PIK3R2: variants seen among roughly 807,000 people sequenced by gnomAD.
PIK3R2 encodes phosphatidylinositol 3-kinase regulatory subunit beta.
A neutral mutation model predicts 78.5 loss-of-function variants in PIK3R2; 40 were observed. The observed-to-expected ratio is 0.51, with a 90% CI of 0.40 to 0.66. PIK3R2 has a LOEUF of 0.66. Among genes scored for constraint, PIK3R2 ranks in the 30% least tolerant of loss-of-function variants. The pLI is 0.00. For missense variants in PIK3R2, 880 were observed against 1,026.6 expected (o/e 0.86, Z 1.95); for synonymous variants, 473 against 457.7 (o/e 1.03, Z -0.43).
At chr19:18,157,388 A>G (rs904176103) in intron 2 of PIK3R2, among the ~76,000 whole-genome samples, 6 of 152,122 alleles carry the variant, frequency 3.9e-5, no homozygotes, top group African/African-American at 7.2e-5. Flanking sequence ...GCGGCTGCCC[A>G]GCCCCACCCT....
At position 18,160,493 on chromosome 19, in the gene PIK3R2, C is replaced by A. The variant is rs755095052; in HGVS notation, c.345C>A (p.Pro115=). ...CAGGCCTCACACTCCCCGACTTGCC[C>A]GAGCAGTTCTCCCCACCTGATGTGG... is the stretch of plus-strand genomic sequence containing the variant. ...PEPGLTLPDL[P]EQFSPPDVAP... The change falls in exon 3 of 16, where the codon CCC becomes CCA. Residue 115 remains proline, a synonymous_variant. Transcript: ENST00000222254. 5 of 1,613,632 alleles carry A rather than the reference C, an allele frequency of 3.1e-6. No homozygotes were observed. The highest frequency in any genetic ancestry group is 1.3e-5 in the African/African-American group (1 of 74,920).
At position 18,163,121 on chromosome 19, in the gene PIK3R2, C is replaced by A. The variant is rs1373502455; in HGVS notation, c.1264C>A (p.Leu422Ile). ...CAATGCCAAGCTGGACACACGGCTC[C>A]TCTACCCTGTGTCCAAATACCAGCA... ...QYNAKLDTRL[L>I]YPVSKYQQDQ... The change falls in exon 10 of 16, where the codon CTC (leucine) becomes ATC (isoleucine). Residue 422 changes from leucine to isoleucine, a missense_variant. This residue lies in a region of PIK3R2 where 156 missense variants were observed against 241.0 expected (regional missense o/e 0.65). Coordinates refer to ENST00000222254, the MANE Select transcript of PIK3R2 (RefSeq NM_005027.4). 6.2e-7 allele frequency: 1 copy of A among 1,613,896 alleles called. No homozygotes were observed. The highest frequency in any genetic ancestry group is 8.5e-7 in the Non-Finnish European group (1 of 1,180,002).
chr19:18,153,177 C>A lies in PIK3R2; in HGVS notation c.-541C>A, dbSNP rs560388385. The A allele has an allele frequency of 2.0e-5, 3 of 153,482 alleles. No homozygotes were observed. Among genetic ancestry groups the A allele is most frequent in the East Asian group, 3.8e-4 (2 of 5,200 alleles). The allele number at this position is 153,482 out of a possible 1,614,324, so 9.5% of individuals were successfully genotyped here. A position where few individuals can be genotyped will look rare whatever the true frequency, so the allele number is the denominator to read the frequency against. ...GGGGGCGGGCCAGGCCGCTCGGAAC[C>A]GTGGCGGCGGCGGAGGCGGGGATCC... On this transcript the variant is annotated 5_prime_UTR_variant, in exon 1 of 16. Coordinates refer to ENST00000222254, the MANE Select transcript of PIK3R2 (RefSeq NM_005027.4).
chr19:18,157,859 C>T (rs2043695411), intron 2 of PIK3R2, among the ~76,000 whole-genome samples: 1 of 151,996 alleles, frequency 6.6e-6, no homozygotes, highest in Admixed American at 6.5e-5. Context: ...GCCAGGGCGT[C>T]CCCGCCGAGG....
Position 18,163,358 on chromosome 19 carries a change from G to C in PIK3R2, c.1386G>C (p.Gln462His). 1.2e-6 allele frequency: 2 copies of C among 1,614,062 alleles called. No individual in the cohort carries two copies. Among genetic ancestry groups the C allele is most frequent in the Non-Finnish European group, 1.7e-6 (2 of 1,180,014 alleles). Residue 462 changes from glutamine to histidine, a missense_variant, in exon 11 of 16, where the codon CAG becomes CAC. Gln to His is a conservative substitution (Grantham distance 24). Around this residue, in one of 3 missense-constraint regions of PIK3R2, gnomAD observed 156 missense variants for 241.0 expected, o/e 0.65. Transcript: ENST00000222254. The part of the protein sequence containing the change: ...QYQDKSREYD[Q>H]LYEEYTRTSQ... ...AGGACAAGAGCCGCGAGTATGACCA[G>C]CTTTATGAAGAGTACACACGGACCT...
chr19:18,166,530 G>T (rs1311449459), intron 12 of PIK3R2, among the ~76,000 whole-genome samples: 1 of 152,040 alleles, frequency 6.6e-6, no homozygotes, highest in African/African-American at 2.4e-5. Flanking sequence ...GGCCAACATG[G>T]TGAAACCCTG....
Position 18,168,037 on chromosome 19 carries a change from G to T in PIK3R2, c.1737-438G>T, listed in dbSNP as rs569397003. Among the ~76,000 whole-genome samples the T allele has an allele frequency of 1.3e-5, 2 of 152,282 alleles. No individual in the cohort carries two copies. The highest frequency in any genetic ancestry group is 4.1e-4 in the South Asian group (2 of 4,822). On this transcript the variant is annotated intron_variant, in intron 13 of 15. Transcript: ENST00000222254. The surrounding 1 kb of genome is among the most constrained non-coding windows in gnomAD (Gnocchi z 4.1). ...TGGGCCTCAGGGAGGGCACTGTCGC[G>T]TGCCAGGTGCTGTGCTAAGCACCGT...
rs1198583628 is a variant in PIK3R2, at chr19:18,169,896, ACCCAC to A, written c.*606_*610del. 1 of 196,514 alleles carries A rather than the reference ACCCAC, an allele frequency of 5.1e-6. No homozygotes were observed. The highest frequency in any genetic ancestry group is 6.1e-5 in the Admixed American group (1 of 16,408). 12.2% of individuals were successfully genotyped at this position (196,514 alleles called of 1,614,324 possible). A position where few individuals can be genotyped will look rare whatever the true frequency, so the allele number is the denominator to read the frequency against. ...ACAAGGGGGCCGCTGCGAGAAGTTC[ACCCAC>A]CCCCGAAAAAATAATTAAACTCGCA... On this transcript the variant is annotated 3_prime_UTR_variant, in exon 16 of 16. Coordinates refer to ENST00000222254, the MANE Select transcript of PIK3R2 (RefSeq NM_005027.4).
intron 11 of PIK3R2, among the ~76,000 whole-genome samples, chr19:18,165,209 A>G (rs2043796070): frequency 2.0e-5 from 2 of 98,778 alleles, no homozygotes; most frequent in South Asian, 8.5e-4. Context: ...CTCTACTAAA[A>G]ATACAAAAAA....
Position 18,160,504 on chromosome 19 carries a change from C to T in PIK3R2, c.356C>T (p.Ser119Phe), listed in dbSNP as rs2147949285. ...CTCCCCGACTTGCCCGAGCAGTTCTCCCCACCTGATGTGGCTCCCCCTCTT... is the reference window on the plus strand; with the variant it reads ...CTCCCCGACTTGCCCGAGCAGTTCTTCCCACCTGATGTGGCTCCCCCTCTT... The part of the protein sequence containing the change: ...LTLPDLPEQF[S>F]PPDVAPPLLV... The change falls in exon 3 of 16, where the codon TCC becomes TTC. Residue 119 changes from serine to phenylalanine, a missense_variant. By Grantham distance (155) the Ser-to-Phe change is radical. Transcript: ENST00000222254. 2.5e-6 allele frequency: 4 copies of T among 1,613,890 alleles called. No homozygotes were observed. Among genetic ancestry groups the T allele is most frequent in the East Asian group, 2.2e-5 (1 of 44,876 alleles).
At position 18,168,922 on chromosome 19, in the gene PIK3R2, T is replaced by A. The variant is rs748192230; in HGVS notation, c.1979+26T>A. ...GTGAGTGGACCGCAGCGGTGGGGAT[T>A]CCCGCGTCCCTCCCAGAGCTCTCAT... On this transcript the variant is annotated intron_variant, in intron 15 of 15. Coordinates refer to ENST00000222254, the MANE Select transcript of PIK3R2 (RefSeq NM_005027.4). The surrounding 1 kb of genome is among the most constrained non-coding windows in gnomAD (Gnocchi z 4.1). The A allele has an allele frequency of 6.2e-7, 1 of 1,600,596 alleles. No homozygotes were observed. The highest frequency in any genetic ancestry group is 8.5e-7 in the Non-Finnish European group (1 of 1,173,224).
In PIK3R2 at chr19:18,166,294, G is replaced by T. The variant is rs753073589; in HGVS notation, c.1551G>T (p.Glu517Asp). 1 of 1,614,038 alleles carries T rather than the reference G, an allele frequency of 6.2e-7. No individual in the cohort carries two copies. Among genetic ancestry groups the T allele is most frequent in the Non-Finnish European group, 8.5e-7 (1 of 1,179,938 alleles). The change falls in exon 12 of 16, where the codon GAG (glutamate) becomes GAT (aspartate). Residue 517 changes from glutamate to aspartate, a missense_variant. Around this residue, in one of 3 missense-constraint regions of PIK3R2, gnomAD observed 268 missense variants for 299.1 expected, o/e 0.90. Transcript: ENST00000222254. ...TCCGGCGTGAGGGCAACGAGAAAGA[G>T]ATGCAAAGGTGAGTCTGGCGCCTCT... ...ERFRREGNEK[E>D]MQRILLNSER...
Position 18,156,207 on chromosome 19 carries a change from C to T in PIK3R2, c.322+6C>T, listed in dbSNP as rs1886167512. On this transcript the variant is annotated splice_donor_region_variant and intron_variant, in intron 2 of 15. Transcript: ENST00000222254. The surrounding 1 kb of genome is among the most constrained non-coding windows in gnomAD (Gnocchi z 4.2). The stretch of plus-strand genomic sequence containing the variant: ...TGATGGGGCCCCTGAGCCAGGTGAG[C>T]AGCAAGCAGGGGCCCTGGAAAGGGG... The T allele has an allele frequency of 6.8e-7, 1 of 1,467,738 alleles. No individual in the cohort carries two copies. Among genetic ancestry groups the T allele is most frequent in the Non-Finnish European group, 9.0e-7 (1 of 1,116,102 alleles). 90.9% of individuals were successfully genotyped at this position (1,467,738 alleles called of 1,614,324 possible).
In PIK3R2 at chr19:18,161,304, G is replaced by A. The variant is rs1185799907; in HGVS notation, c.624G>A (p.Ala208=). Residue 208 remains alanine (A), a synonymous_variant, in exon 6 of 16, where the codon GCG becomes GCA. Transcript: ENST00000222254. The surrounding 1 kb of genome is among the most constrained non-coding windows in gnomAD (Gnocchi z 5.3). ...LREAAGPVGP[A]LEPPTLPLHR... is the part of the protein sequence containing the mutation. ...AGGCCGCGGGGCCCGTGGGGCCGGC[G>A]CTGGAGCCACCGACGCTGCCGCTGC... is the stretch of plus-strand genomic sequence containing the variant. The A allele has an allele frequency of 2.2e-6, 3 of 1,360,530 alleles. No individual in the cohort carries two copies. In the African/African-American group the frequency reaches 4.6e-5, roughly 21 times the overall value. 84.3% of individuals were successfully genotyped at this position (1,360,530 alleles called of 1,614,324 possible). A position where few individuals can be genotyped will look rare whatever the true frequency, so the allele number is the denominator to read the frequency against.
At position 18,168,337 on chromosome 19, in the gene PIK3R2, C is replaced by G; in HGVS notation, c.1737-138C>G. 3.1e-6 allele frequency: 2 copies of G among 653,696 alleles called. No individual in the cohort carries two copies. Among genetic ancestry groups the G allele is most frequent in the East Asian group, 2.7e-5 (1 of 36,768 alleles). 40.5% of individuals were successfully genotyped at this position (653,696 alleles called of 1,614,324 possible). ...CAGGCTGCCCTGAGCCAGGTCAGCTCTGCCCTCTTGTGGCAACCGGAGATA... is the reference window on the plus strand; with the variant it reads ...CAGGCTGCCCTGAGCCAGGTCAGCTGTGCCCTCTTGTGGCAACCGGAGATA... On this transcript the variant is annotated intron_variant, in intron 13 of 15. Transcript: ENST00000222254. The surrounding 1 kb of genome is among the most constrained non-coding windows in gnomAD (Gnocchi z 4.1).
In PIK3R2 at chr19:18,156,068, C is replaced by T. The variant is rs558309742; in HGVS notation, c.189C>T (p.Arg63=). 3 of 1,563,098 alleles carry T rather than the reference C, an allele frequency of 1.9e-6. No homozygotes were observed. Among genetic ancestry groups the T allele is most frequent in the African/African-American group, 1.4e-5 (1 of 73,350 alleles). ...GCTGGATGCCCGGCCTCAACGAGCG[C>T]ACACGGCAGCGAGGTGACTTCCCTG... ...SVGWMPGLNE[R]TRQRGDFPGT... The change falls in exon 2 of 16, where the codon CGC becomes CGT. Residue 63 remains arginine (R), a synonymous_variant. Transcript: ENST00000222254. The surrounding 1 kb of genome is among the most constrained non-coding windows in gnomAD (Gnocchi z 4.2).
chr19:18,168,932 C>G lies in PIK3R2; in HGVS notation c.1979+36C>G, dbSNP rs762910212. The G allele has an allele frequency of 1.4e-5, 23 of 1,591,772 alleles. No individual in the cohort carries two copies. Among genetic ancestry groups the G allele is most frequent in the Non-Finnish European group, 2.0e-5 (23 of 1,167,724 alleles). On this transcript the variant is annotated intron_variant, in intron 15 of 15. Coordinates refer to ENST00000222254, the MANE Select transcript of PIK3R2 (RefSeq NM_005027.4). This position sits in a 1 kb window ranked among gnomAD's most constrained non-coding sequence, Gnocchi z 4.1. Reference sequence around the variant, plus strand: ...CGCAGCGGTGGGGATTCCCGCGTCCCTCCCAGAGCTCTCATTGAATGCCTG... The same window carrying G: ...CGCAGCGGTGGGGATTCCCGCGTCCGTCCCAGAGCTCTCATTGAATGCCTG...
chr19:18,159,090 C>T (rs1268556363), intron 2 of PIK3R2, among the ~76,000 whole-genome samples: 1 of 148,408 alleles, frequency 6.7e-6, no homozygotes, highest in Non-Finnish European at 1.5e-5. Flanking sequence ...GATATGCTCA[C>T]CTCGGCCTCC....
chr19:18,166,687 G>A (rs1298218557), intron 12 of PIK3R2, among the ~76,000 whole-genome samples: 2 of 144,960 alleles, frequency 1.4e-5, no homozygotes, highest in Non-Finnish European at 3.0e-5. Context: ...TCCAGCTTGG[G>A]TGACAGAGAA....
Sources: gnomAD v4.1 joint callset for allele counts (sites outside exome capture counted in the v4.1 genomes callset) on GRCh38, gnomAD v4.1.1 for gene constraint, gnomAD v4.1.1 regional missense constraint, Gnocchi (gnomAD v3.1) non-coding constraint, MANE v1.5 for transcripts, NCBI Gene and HGNC (gene_info 2026-07-23, HGNC 2026-07-21) for gene names.